The following GAD2 variants were observed in gnomAD, a reference collection of about 807,000 sequenced individuals.
The protein encoded by GAD2 is 65 kDa glutamic acid decarboxylase.
GAD2 carries 22 observed loss-of-function variants against 80.1 expected under a neutral mutation model. That is an observed-to-expected ratio of 0.27 (90% CI 0.20 to 0.39). The LOEUF (loss-of-function observed/expected upper bound fraction) is 0.39, where lower values mean the gene tolerates loss of function less well. Ranked by LOEUF, GAD2 falls within the 10% of genes least tolerant of loss-of-function variation. GAD2 has a pLI of 1.00. For synonymous variants in GAD2, 274 were observed against 256.9 expected (o/e 1.07, Z -0.64); for missense variants, 624 against 738.4 (o/e 0.85, Z 1.80).
chr10:26,233,537 G>A (rs917720613), intron 7 of GAD2, among the ~76,000 whole-genome samples: 1 of 152,142 alleles, frequency 6.6e-6, no homozygotes, highest in African/African-American at 2.4e-5. Flanking sequence ...AGGTTAAGAG[G>A]TAATACGATC....
intron 6 of GAD2, 81 bp from the exon 7 acceptor site, chr10:26,229,581 C>T (rs1844572574): frequency 2.1e-6 from 2 of 953,658 alleles, no homozygotes; most frequent in Non-Finnish European, 3.3e-6. Context: ...GGACTCAGGT[C>T]AGTGGAAATA....
At chr10:26,242,742 G>A (rs566107880) in intron 7 of GAD2, among the ~76,000 whole-genome samples, 23 of 152,098 alleles carry the variant, frequency 1.5e-4, no homozygotes, top group African/African-American at 3.4e-4. Flanking sequence ...ATTTGGTACC[G>A]TGATCAATTA....
intron 4 of GAD2, among the ~76,000 whole-genome samples, chr10:26,220,021 C>A (rs1239213423): frequency 6.6e-6 from 1 of 152,118 alleles, no homozygotes; most frequent in African/African-American, 2.4e-5. Flanking sequence ...TCTTTATATT[C>A]CATCCATATT....
At chr10:26,246,268 G>A (rs138309345) in intron 8 of GAD2, among the ~76,000 whole-genome samples, 1 of 152,310 alleles carries the variant, frequency 6.6e-6, no homozygotes, top group African/African-American at 2.4e-5. Context: ...AGTGCAGAAA[G>A]ACTTTCATCA....
intron 6 of GAD2, 138 bp from the exon 7 acceptor site, chr10:26,229,524 G>T (rs1166402783): frequency 4.8e-6 from 3 of 626,608 alleles, no homozygotes; most frequent in African/African-American, 3.7e-5. Flanking sequence ...TGAGTCTGAG[G>T]ATTCAGTTTA....
intron 6 of GAD2, among the ~76,000 whole-genome samples, chr10:26,225,516 C>T (rs1269660109): frequency 6.6e-6 from 1 of 152,174 alleles, no homozygotes; most frequent in Non-Finnish European, 1.5e-5. Context: ...AGACAGGACC[C>T]ACCTGAGAGA....
At chr10:26,290,601 G>T (rs563951559) in intron 13 of GAD2, among the ~76,000 whole-genome samples, 1 of 152,332 alleles carries the variant, frequency 6.6e-6, no homozygotes, top group South Asian at 2.1e-4. Context: ...AGCAAAAATT[G>T]AGATAACAGC....
intron 6 of GAD2, among the ~76,000 whole-genome samples, chr10:26,226,337 G>A (rs536675010): frequency 2.2e-4 from 33 of 152,292 alleles, no homozygotes; most frequent in African/African-American, 7.7e-4. Flanking sequence ...CTGATAATGG[G>A]GGATTTTCAC....
At chr10:26,284,174 G>A (rs1206452155) in intron 12 of GAD2, among the ~76,000 whole-genome samples, 1 of 152,110 alleles carries the variant, frequency 6.6e-6, no homozygotes, top group Non-Finnish European at 1.5e-5. Flanking sequence ...GGCATCCAAG[G>A]AATAATGCTG....
chr10:26,246,918 T>C (rs1427421704), intron 8 of GAD2, among the ~76,000 whole-genome samples: 1 of 151,918 alleles, frequency 6.6e-6, no homozygotes, highest in Admixed American at 6.6e-5. Context: ...GCTGGACAAG[T>C]GGAGGGAAAG....
chr10:26,275,267 G>A (rs768788297), intron 11 of GAD2, among the ~76,000 whole-genome samples: 15 of 152,164 alleles, frequency 9.9e-5, no homozygotes, highest in Non-Finnish European at 5.9e-5. Flanking sequence ...TTTCTGACTG[G>A]CACAAAAAGT....
At position 26,301,183 on chromosome 10, in the gene GAD2, A is replaced by T. The variant is rs1471041647; in HGVS notation, c.*222A>T. ...ATTCGTGACAAAAGGCTATGTTCTA[A>T]TCAATAAGGAAAAGCTTAAAATTGT... On this transcript the variant is annotated 3_prime_UTR_variant, in exon 16 of 16. Transcript: ENST00000376261. 2.0e-6 allele frequency: 1 copy of T among 488,610 alleles called. No individual in the cohort carries two copies. Among genetic ancestry groups the T allele is most frequent in the Admixed American group, 3.3e-5 (1 of 30,096 alleles). The allele number at this position is 488,610 out of a possible 1,614,324, so 30.3% of individuals were successfully genotyped here.
intron 8 of GAD2, among the ~76,000 whole-genome samples, chr10:26,260,521 G>A (rs930641604): frequency 1.3e-5 from 2 of 152,076 alleles, no homozygotes; most frequent in African/African-American, 2.4e-5. Flanking sequence ...CCAGCTACTC[G>A]GGAGGCTGAG....
At chr10:26,237,508 G>A (rs542544383) in intron 7 of GAD2, among the ~76,000 whole-genome samples, 75 of 152,118 alleles carry the variant, frequency 4.9e-4, no homozygotes, top group Middle Eastern at 3.4e-3. Flanking sequence ...ACTGTCGTTA[G>A]AAGGAGCTGA....
intron 4 of GAD2, among the ~76,000 whole-genome samples, 178 bp from the exon 5 acceptor site, chr10:26,223,709 A>ATGTGTG (rs368846977): frequency 1.4e-5 from 2 of 147,800 alleles, no homozygotes; most frequent in African/African-American, 5.0e-5. Flanking sequence ...GTGTATGTGC[A>ATGTGTG]TGTGTGTGTG....
intron 8 of GAD2, among the ~76,000 whole-genome samples, chr10:26,251,741 C>A (rs1294428267): frequency 6.6e-6 from 1 of 152,172 alleles, no homozygotes; most frequent in Non-Finnish European, 1.5e-5. Context: ...TCAATTTGTT[C>A]TCCTAGCAGC....
In GAD2 at chr10:26,284,865, G is replaced by A. The variant is rs12252062; in HGVS notation, c.1237-1480G>A. On this transcript the variant is annotated intron_variant, in intron 12 of 15. Coordinates refer to ENST00000376261, the MANE Select transcript of GAD2 (RefSeq NM_001134366.2). ...ATTACAGGCATGAGCCACCGCACCC[G>A]GCCATCCAGGTTTTTTAGGGCTCAT... 9.4e-3 allele frequency among the ~76,000 whole-genome samples: 1,433 copies of A among 152,134 alleles called. 26 individuals carry two copies. The highest frequency in any genetic ancestry group is 0.032 in the African/African-American group (1,315 of 41,496).
At position 26,218,549 on chromosome 10, in the gene GAD2, T is replaced by A. The variant is rs141184404; in HGVS notation, c.287-494T>A. 9.4e-3 allele frequency among the ~76,000 whole-genome samples: 539 copies of A among 57,334 alleles called. 4 individuals are homozygous for A. The highest frequency in any genetic ancestry group is 0.02 in the African/African-American group (496 of 24,708). 37.6% of individuals were successfully genotyped at this position (57,334 alleles called of 152,430 possible). On this transcript the variant is annotated intron_variant, in intron 3 of 15. Transcript: ENST00000376261. ...CACATGCATACGCTCTCTCTCTCTCTCTCACACACACACACACACACACAC... is the reference window on the plus strand; with the variant it reads ...CACATGCATACGCTCTCTCTCTCTCACTCACACACACACACACACACACAC...
At chr10:26,237,998 T>TCACACA (rs775490775) in intron 7 of GAD2, among the ~76,000 whole-genome samples, 38 of 117,686 alleles carry the variant, frequency 3.2e-4, no homozygotes, top group African/African-American at 1.3e-3. Flanking sequence ...CGAGACTCCA[T>TCACACA]CACACAGACA....
Sources: allele counts gnomAD v4.1 joint callset (sites outside exome capture counted in the v4.1 genomes callset), GRCh38; gene constraint gnomAD v4.1.1; transcripts MANE v1.5; gene names NCBI Gene and HGNC (gene_info 2026-07-23, HGNC 2026-07-21).